The following SCN11A variants were observed in gnomAD, a reference collection of about 807,000 sequenced individuals.
SCN11A encodes sodium voltage-gated channel alpha subunit 11.
In SCN11A, 122 loss-of-function variants were observed where a neutral mutation model predicts 162.2. The ratio of observed to expected loss-of-function variants is 0.75; its 90% CI spans 0.65 to 0.87. SCN11A has a LOEUF of 0.87. Ranked by LOEUF, SCN11A falls within the 40% of genes least tolerant of loss-of-function variation. The pLI is 0.00. For missense variants in SCN11A, 2,015 were observed against 2,181.6 expected, an observed-to-expected ratio of 0.92 and a Z score of 1.52; for synonymous variants, 758 against 751.5, an observed-to-expected ratio of 1.01 and a Z score of -0.14.
In SCN11A at chr3:39,020,187, G is replaced by A. The variant is rs118171792; in HGVS notation, c.-280+12193C>T. On this transcript the variant is annotated intron_variant, in intron 2 of 29. Transcript: ENST00000302328. ...TAATAAGTATCTGGGAAGCCTTAGC[G>A]CATAGTAAGCATTCAACAAATCTCA... Among the ~76,000 whole-genome samples the A allele has an allele frequency of 1.6e-4, 25 of 152,288 alleles. No homozygotes were observed. In the East Asian group the frequency reaches 3.7e-3, roughly 22 times the overall value.
intron 7 of SCN11A, among the ~76,000 whole-genome samples, chr3:38,940,598 T>C (rs1250969414): frequency 6.6e-6 from 1 of 152,200 alleles, no homozygotes; most frequent in Non-Finnish European, 1.5e-5. Flanking sequence ...GACAAATGGA[T>C]AGACATCTGG....
intron 2 of SCN11A, among the ~76,000 whole-genome samples, chr3:38,999,251 T>C (rs1247622641): frequency 6.6e-6 from 1 of 152,208 alleles, no homozygotes; most frequent in Non-Finnish European, 1.5e-5. Context: ...TGTAACCACT[T>C]TTGATTATCA....
intron 7 of SCN11A, among the ~76,000 whole-genome samples, chr3:38,935,675 AG>A (rs1351693264): frequency 6.6e-6 from 1 of 152,222 alleles, no homozygotes; most frequent in African/African-American, 2.4e-5. Context: ...AGACTAAACC[AG>A]GAAGAAGTTG....
At chr3:38,992,151 C>A (rs2125594637) in intron 2 of SCN11A, among the ~76,000 whole-genome samples, 1 of 152,362 alleles carries the variant, frequency 6.6e-6, no homozygotes, top group East Asian at 1.9e-4. Context: ...TTGTTTCACA[C>A]TTCTGCTTTC....
chr3:38,906,241 G>GT (rs925493881), intron 14 of SCN11A, among the ~76,000 whole-genome samples: 1 of 152,068 alleles, frequency 6.6e-6, no homozygotes, highest in African/African-American at 2.4e-5. Flanking sequence ...ATCTTTACCT[G>GT]TATCTTTAGC....
intron 26 of SCN11A, among the ~76,000 whole-genome samples, chr3:38,869,169 C>T (rs1260054469): frequency 6.6e-6 from 1 of 152,094 alleles, no homozygotes; most frequent in East Asian, 1.9e-4. Context: ...AAACAGGCAC[C>T]CCTCCACACA....
intron 4 of SCN11A, chr3:38,950,662 T>C (rs2066599000): frequency 2.6e-6 from 1 of 379,704 alleles, no homozygotes. Context: ...AGAAGCCCAG[T>C]CTCTAAAACT....
intron 12 of SCN11A, 39 bp downstream of exon 12, chr3:38,910,027 G>C: frequency 6.3e-7 from 1 of 1,596,014 alleles, no homozygotes; most frequent in Non-Finnish European, 8.6e-7. Flanking sequence ...AAGGATGGAG[G>C]GAGGGAGAGA....
intron 29 of SCN11A, chr3:38,850,229 T>C (rs1185428454): frequency 4.9e-6 from 2 of 409,976 alleles, no homozygotes; most frequent in East Asian, 4.2e-5. Context: ...TCTATTTCCA[T>C]TGAATACATT....
chr3:38,931,025 T>G (rs922202514), intron 7 of SCN11A, among the ~76,000 whole-genome samples: 2 of 152,142 alleles, frequency 1.3e-5, no homozygotes, highest in Non-Finnish European at 2.9e-5. Flanking sequence ...GTGGAAACAA[T>G]GCACTCTCCT....
intron 19 of SCN11A, among the ~76,000 whole-genome samples, chr3:38,887,000 C>A (rs2065411871): frequency 6.6e-6 from 1 of 152,136 alleles, no homozygotes; most frequent in African/African-American, 2.4e-5. Flanking sequence ...TACCTCTTAT[C>A]TTGAAATACA....
At chr3:38,988,710 C>T (rs2030348538) in intron 2 of SCN11A, among the ~76,000 whole-genome samples, 1 of 152,112 alleles carries the variant, frequency 6.6e-6, no homozygotes. Context: ...TTATAAGTGA[C>T]AGGAGATATC....
intron 2 of SCN11A, among the ~76,000 whole-genome samples, chr3:39,031,183 T>C (rs1009617685): frequency 8.5e-5 from 13 of 152,220 alleles, no homozygotes; most frequent in Non-Finnish European, 1.8e-4. Context: ...TTCAGCACCA[T>C]GACTTCTTAC....
At chr3:38,871,135 T>G (rs2065119311) in intron 25 of SCN11A, among the ~76,000 whole-genome samples, 5 of 152,234 alleles carry the variant, frequency 3.3e-5, no homozygotes, top group Admixed American at 2.6e-4. Flanking sequence ...GTTCAAAGTG[T>G]CATGACCTAC....
chr3:38,921,278 G>A (rs1311884210), intron 9 of SCN11A, 23 bp from the exon 10 acceptor site: 1 of 1,608,642 alleles, frequency 6.2e-7, no homozygotes, highest in East Asian at 2.2e-5. Context: ...ACAGGCTTGG[G>A]GAGAAGCCCA....
At chr3:38,974,146 C>T (rs2066833463) in intron 2 of SCN11A, among the ~76,000 whole-genome samples, 1 of 152,034 alleles carries the variant, frequency 6.6e-6, no homozygotes. Flanking sequence ...AGCTGAAAAA[C>T]ATGAGGGTAC....
Position 38,905,176 on chromosome 3 carries a change from G to A in SCN11A, c.1603+16C>T, listed in dbSNP as rs1352046350. 6.2e-7 allele frequency: 1 copy of A among 1,613,724 alleles called. No homozygotes were observed. The highest frequency in any genetic ancestry group is 8.5e-7 in the Non-Finnish European group (1 of 1,179,838). On this transcript the variant is annotated intron_variant, in intron 15 of 29. Coordinates refer to ENST00000302328, the MANE Select transcript of SCN11A (RefSeq NM_001349253.2). ...ACTGAAGTAGACTTTCCCTTGGATT[G>A]GGATGTGGAACTTACCCTTCATGGT...
intron 23 of SCN11A, 25 bp from the exon 24 acceptor site, chr3:38,872,319 A>G (rs372537098): frequency 2.6e-5 from 33 of 1,253,152 alleles, no homozygotes; most frequent in Non-Finnish European, 3.9e-5. Context: ...GGCCACAGAT[A>G]ATGTACCTGA....
chr3:38,950,063 A>ACT, intron 5 of SCN11A, 33 bp downstream of exon 5: 1 of 62,402 alleles, frequency 1.6e-5, no homozygotes, highest in Non-Finnish European at 3.1e-5. Context: ...GAACACCCCC[A>ACT]CCCCCACCCC....
Sources: gnomAD v4.1 joint callset for allele counts (sites outside exome capture counted in the v4.1 genomes callset) on GRCh38, gnomAD v4.1.1 for gene constraint, MANE v1.5 for transcripts, NCBI Gene and HGNC (gene_info 2026-07-23, HGNC 2026-07-21) for gene names.